ATP11B: variants seen among roughly 807,000 people sequenced by gnomAD.
ATP11B encodes the protein phospholipid-transporting ATPase IF.
A neutral mutation model predicts 157.8 loss-of-function variants in ATP11B; 81 were observed. The ratio of observed to expected loss-of-function variants is 0.51; its 90% CI spans 0.43 to 0.62. ATP11B has a LOEUF of 0.62. ATP11B is among the 20% of genes least tolerant of loss of function. The pLI is 0.00. For missense variants in ATP11B, 1,165 were observed against 1,402.2 expected, an observed-to-expected ratio of 0.83 and a Z score of 2.70; for synonymous variants, 451 against 469.4, an observed-to-expected ratio of 0.96 and a Z score of 0.51.
intron 1 of ATP11B, among the ~76,000 whole-genome samples, chr3:182,819,162 C>T (rs1429208818): frequency 1.3e-4 from 20 of 151,060 alleles, no homozygotes; most frequent in Admixed American, 1.2e-3. Context: ...CTGCAAGCTC[C>T]GCCTCCCGGG....
chr3:182,882,610 A>C (rs1187052444), intron 21 of ATP11B, among the ~76,000 whole-genome samples: 3 of 152,152 alleles, frequency 2.0e-5, no homozygotes, highest in African/African-American at 4.8e-5. Flanking sequence ...AAAGTAATAG[A>C]AGAAAATTTA....
rs780893400 is a variant in ATP11B at position 182,889,431 on chromosome 3, C to T, written c.2865C>T (p.Leu955=). ...TLYRDISKNR[L]LSIKTFLYWT... Reference sequence around the variant, plus strand: ...ACAGAGACATTAGTAAAAACCGCCTCTTAAGTATTAAAACATTTCTTTATT... The same window carrying T: ...ACAGAGACATTAGTAAAAACCGCCTTTTAAGTATTAAAACATTTCTTTATT... The change falls in exon 25 of 30, where the codon CTC becomes CTT. Residue 955 remains leucine, a synonymous_variant. Transcript: ENST00000323116. 2 of 1,570,994 alleles carry T rather than the reference C, an allele frequency of 1.3e-6. No homozygotes were observed. The highest frequency in any genetic ancestry group is 2.4e-5 in the South Asian group (2 of 83,626).
chr3:182,906,056 C>T (rs80122991), intron 28 of ATP11B: 15,978 of 317,244 alleles, frequency 0.05, 471 homozygotes, highest in Middle Eastern at 0.11. Context: ...GTTTTAGTTT[C>T]GTTGTTTTCC....
rs536397998 is a variant in ATP11B at position 182,847,309 on chromosome 3, G to T, written c.770-1167G>T. Among the ~76,000 whole-genome samples, 10 of 152,284 alleles carry T rather than the reference G, an allele frequency of 6.6e-5. No individual in the cohort carries two copies. The South Asian group carries it at 2.1e-3, about 32-fold the overall frequency. ...CTGCCTTGGCCTCCCAAAGTGATGG[G>T]ATTACAGGCGTGAGCCACTGCGCCC... On this transcript the variant is annotated intron_variant, in intron 9 of 29. Transcript: ENST00000323116.
rs71183649 is a variant in ATP11B, at chr3:182,854,752, TACACACACAC to T, written c.852-3087_852-3078del. On this transcript the variant is annotated intron_variant, in intron 10 of 29. Coordinates refer to ENST00000323116, the MANE Select transcript of ATP11B (RefSeq NM_014616.3). ...TATATAATATATATGTGCATGTGTT[TACACACACAC>T]ACACACACACACACACACACACACA... Among the ~76,000 whole-genome samples, 999 of 145,958 alleles carry T rather than the reference TACACACACAC, an allele frequency of 6.8e-3. 12 individuals are homozygous for T. Among genetic ancestry groups the T allele is most frequent in the African/African-American group, 0.018 (707 of 39,074 alleles).
chr3:182,866,872 A>G (rs897315809), intron 14 of ATP11B, among the ~76,000 whole-genome samples: 7 of 147,480 alleles, frequency 4.7e-5, no homozygotes, highest in Non-Finnish European at 7.5e-5. Context: ...TATATAACAT[A>G]TATAAATAAA....
intron 10 of ATP11B, among the ~76,000 whole-genome samples, chr3:182,856,895 G>A (rs1357867621): frequency 2.0e-5 from 3 of 152,134 alleles, no homozygotes; most frequent in Non-Finnish European, 4.4e-5. Context: ...TTTGTTGGAT[G>A]TGAGAGTTCA....
chr3:182,818,916 TAAA>T (rs759403280), intron 1 of ATP11B, among the ~76,000 whole-genome samples: 3 of 124,154 alleles, frequency 2.4e-5, no homozygotes, highest in Admixed American at 1.7e-4. Context: ...GACCACTATG[TAAA>T]AAAAAAAAAA....
Position 182,793,806 on chromosome 3 carries a change from C to T in ATP11B, c.27+20C>T, listed in dbSNP as rs754755725. The T allele has an allele frequency of 7.4e-7, 1 of 1,353,694 alleles. No homozygotes were observed. Among genetic ancestry groups the T allele is most frequent in the South Asian group, 1.6e-5 (1 of 62,268 alleles). 83.9% of individuals were successfully genotyped at this position (1,353,694 alleles called of 1,614,324 possible). On this transcript the variant is annotated intron_variant, in intron 1 of 29. Coordinates refer to ENST00000323116, the MANE Select transcript of ATP11B (RefSeq NM_014616.3). ...CAGCTGGTAGGTGCCCCCGCCCCTCCACCTCCATTCGTCCGCCCCCGCGGG... is the reference window on the plus strand; with the variant it reads ...CAGCTGGTAGGTGCCCCCGCCCCTCTACCTCCATTCGTCCGCCCCCGCGGG...
At chr3:182,887,890 A>T (rs1267894818) in intron 24 of ATP11B, among the ~76,000 whole-genome samples, 177 bp downstream of exon 24, 1 of 152,076 alleles carries the variant, frequency 6.6e-6, no homozygotes, top group African/African-American at 2.4e-5. Context: ...AATTGGAATA[A>T]TTTTTCCGGT....
At position 182,898,665 on chromosome 3, in the gene ATP11B, T is replaced by C; in HGVS notation, c.3211T>C (p.Ser1071Pro). Residue 1071 changes from serine to proline, a missense_variant, in exon 28 of 30, where the codon TCT (serine) becomes CCT (proline). Ser to Pro is a moderately conservative substitution (Grantham distance 74). Transcript: ENST00000323116. ...GTTTATTCAGCTCCTGTCAAGTGGT[T>C]CTGCTTGGTTTGCCATAATCCTCAT... ...FVFIQLLSSG[S>P]AWFAIILMVV... 6.2e-7 allele frequency: 1 copy of C among 1,610,656 alleles called. No homozygotes were observed. The highest frequency in any genetic ancestry group is 1.1e-5 in the South Asian group (1 of 90,390).
intron 4 of ATP11B, among the ~76,000 whole-genome samples, chr3:182,832,967 G>A (rs1718266176): frequency 6.6e-6 from 1 of 151,784 alleles, no homozygotes; most frequent in Non-Finnish European, 1.5e-5. Flanking sequence ...ATAAATTTAA[G>A]AATTTATTCA....
chr3:182,916,913 T>A lies in ATP11B; in HGVS notation c.3453-1110T>A, dbSNP rs1402690039. 3 of 982,280 alleles carry A rather than the reference T, an allele frequency of 3.1e-6. No homozygotes were observed. In the East Asian group the frequency reaches 3.4e-4, roughly 111 times the overall value. 60.8% of individuals were successfully genotyped at this position (982,280 alleles called of 1,614,324 possible). ...TTGTCCCCTGTAAATACTTACTCTT[T>A]AAGAAATTTTCATCTTCTCATTTTA... is the stretch of plus-strand genomic sequence containing the variant. On this transcript the variant is annotated intron_variant, in intron 29 of 29. Coordinates refer to ENST00000323116, the MANE Select transcript of ATP11B (RefSeq NM_014616.3).
At chr3:182,795,278 A>G (rs893248480) in intron 1 of ATP11B, among the ~76,000 whole-genome samples, 2 of 152,216 alleles carry the variant, frequency 1.3e-5, no homozygotes, top group African/African-American at 2.4e-5. Flanking sequence ...GATTTGCCAA[A>G]TCTTCTTGTA....
chr3:182,841,271 T>C (rs1718991171), intron 7 of ATP11B, among the ~76,000 whole-genome samples: 1 of 152,234 alleles, frequency 6.6e-6, no homozygotes, highest in Non-Finnish European at 1.5e-5. Context: ...GTATACTGTG[T>C]AATTTACTTT....
At chr3:182,854,743 G>A (rs1274060705) in intron 10 of ATP11B, among the ~76,000 whole-genome samples, 1 of 146,866 alleles carries the variant, frequency 6.8e-6, no homozygotes, top group Admixed American at 6.9e-5. Context: ...ATATATATGT[G>A]CATGTGTTTA....
At chr3:182,832,490 A>G (rs1718228671) in intron 4 of ATP11B, among the ~76,000 whole-genome samples, 1 of 152,186 alleles carries the variant, frequency 6.6e-6, no homozygotes, top group South Asian at 2.1e-4. Flanking sequence ...GTATCTATTT[A>G]TTACTGTAGA....
chr3:182,916,289 C>T, intron 29 of ATP11B: 1 of 985,312 alleles, frequency 1.0e-6, no homozygotes, highest in Non-Finnish European at 1.2e-6. Flanking sequence ...AAGTCTGAGA[C>T]TGCCATTCCA....
intron 28 of ATP11B, among the ~76,000 whole-genome samples, chr3:182,909,879 C>T (rs1724645720): frequency 6.7e-6 from 1 of 150,108 alleles, no homozygotes; most frequent in Admixed American, 6.6e-5. Flanking sequence ...GCCTGGGCAA[C>T]ATGGTGAAAC....
Sources: gnomAD v4.1 joint callset for allele counts (sites outside exome capture counted in the v4.1 genomes callset) on GRCh38, gnomAD v4.1.1 for gene constraint, MANE v1.5 for transcripts, NCBI Gene and HGNC (gene_info 2026-07-23, HGNC 2026-07-21) for gene names.